Variants in PKM observed in about 807,000 individuals in gnomAD.
The protein encoded by PKM is pyruvate kinase PKM.
In PKM, 18 loss-of-function variants were observed where a neutral mutation model predicts 49.8. That is an observed-to-expected ratio of 0.36 (90% CI 0.25 to 0.54). The LOEUF (loss-of-function observed/expected upper bound fraction) is 0.54. Among genes scored for constraint, PKM ranks in the 20% least tolerant of loss-of-function variants. The pLI, the probability that PKM is intolerant of heterozygous loss-of-function variation, is 0.89. For missense variants in PKM, 508 were observed against 713.8 expected (o/e 0.71, Z 3.28); for synonymous variants, 239 against 261.8 (o/e 0.91, Z 0.84).
rs1390527997 is a variant in PKM at position 72,229,540 on chromosome 15, C to A, written c.-14+1576G>T. The stretch of plus-strand genomic sequence containing the variant: ...ACGTAGATTAAGAAGCCAAGGGATG[C>A]CCTTACATGACTGAGTCTTTAAATG... On this transcript the variant is annotated intron_variant, in intron 1 of 10. Transcript: ENST00000335181. The A allele has an allele frequency of 9.3e-6, 12 of 1,285,428 alleles. No individual in the cohort carries two copies. In the South Asian group the frequency reaches 1.2e-4, roughly 13 times the overall value. 79.6% of individuals were successfully genotyped at this position (1,285,428 alleles called of 1,614,324 possible). A position where few individuals can be genotyped will look rare whatever the true frequency, so the allele number is the denominator to read the frequency against.
chr15:72,223,057 T>C (rs1314873913), intron 1 of PKM, among the ~76,000 whole-genome samples: 1 of 150,412 alleles, frequency 6.6e-6, no homozygotes, highest in African/African-American at 2.5e-5. Context: ...TTTCACTCTG[T>C]CACCCAGGCT....
chr15:72,203,010 T>G, intron 8 of PKM: 4 of 1,613,364 alleles, frequency 2.5e-6, no homozygotes, highest in Non-Finnish European at 3.4e-6. Context: ...TTACCTGCCC[T>G]TAGGGCCCTA....
rs1428545993 is a variant in PKM at position 72,217,505 on chromosome 15, T to A, written c.155-5A>T. 1 of 1,575,444 alleles carries A rather than the reference T, an allele frequency of 6.3e-7. No homozygotes were observed. Among genetic ancestry groups the A allele is most frequent in the Non-Finnish European group, 8.7e-7 (1 of 1,144,820 alleles). On this transcript the variant is annotated splice_region_variant and splice_polypyrimidine_tract_variant and intron_variant, in intron 2 of 10. Coordinates refer to ENST00000335181, the MANE Select transcript of PKM (RefSeq NM_002654.6). ...CCACTGATCGGGAAGCTGGGCCTAT[T>A]AGGAAAAGTTTTAAAGCCACAAGTA...
At chr15:72,220,454 G>C (rs8192388) in intron 1 of PKM, among the ~76,000 whole-genome samples, 3,249 of 152,238 alleles carry the variant, frequency 0.021, 55 homozygotes, top group Non-Finnish European at 0.031. Context: ...GCCCGCTGAG[G>C]TCCAAGGAGC....
Position 72,210,340 on chromosome 15 carries a change from T to C in PKM, c.378+7A>G, listed in dbSNP as rs1596751511. The C allele has an allele frequency of 3.1e-6, 5 of 1,613,698 alleles. No homozygotes were observed. Among genetic ancestry groups the C allele is most frequent in the East Asian group, 2.2e-5 (1 of 44,894 alleles). ...AGCCTTCCCCTCGCTCTCCGCAGAA[T>C]ACTCACGCCCTTGATGAGCCCAGTT... On this transcript the variant is annotated splice_region_variant and intron_variant, in intron 4 of 10. Coordinates refer to ENST00000335181, the MANE Select transcript of PKM (RefSeq NM_002654.6).
intron 2 of PKM, 83 bp downstream of exon 2, chr15:72,218,861 T>G: frequency 7.1e-7 from 1 of 1,415,152 alleles, no homozygotes; most frequent in Non-Finnish European, 9.9e-7. Flanking sequence ...CTAGGTTTGT[T>G]AGGACATTTA....
chr15:72,205,026 T>A (rs1269542296), intron 8 of PKM, among the ~76,000 whole-genome samples: 1 of 151,934 alleles, frequency 6.6e-6, no homozygotes, highest in East Asian at 1.9e-4. Flanking sequence ...AGCAATCACA[T>A]CACACGAATG....
intron 1 of PKM, among the ~76,000 whole-genome samples, chr15:72,230,417 G>C (rs997033586): frequency 3.9e-5 from 6 of 152,362 alleles, no homozygotes; most frequent in East Asian, 1.9e-4. Context: ...ATGGAAAAGG[G>C]GGGTGGGACC....
At chr15:72,218,289 T>G (rs945328285) in intron 2 of PKM, among the ~76,000 whole-genome samples, 1 of 152,004 alleles carries the variant, frequency 6.6e-6, no homozygotes, top group African/African-American at 2.4e-5. Context: ...CACCCCCGGC[T>G]AATTTTTTTG....
At chr15:72,220,932 AG>A (rs2140763073) in intron 1 of PKM, among the ~76,000 whole-genome samples, 1 of 152,340 alleles carries the variant, frequency 6.6e-6, no homozygotes, top group African/African-American at 2.4e-5. Flanking sequence ...CTGGCTGTTA[AG>A]GGAACATTAC....
chr15:72,208,238 G>A (rs2082135895), intron 6 of PKM, among the ~76,000 whole-genome samples: 1 of 151,994 alleles, frequency 6.6e-6, no homozygotes, highest in Non-Finnish European at 1.5e-5. Context: ...CCTTTCTTAA[G>A]TGTCTGCTGT....
At chr15:72,204,734 T>G (rs1053909127) in intron 8 of PKM, among the ~76,000 whole-genome samples, 6 of 152,210 alleles carry the variant, frequency 3.9e-5, no homozygotes, top group Non-Finnish European at 8.8e-5. Flanking sequence ...AGATGAGGTC[T>G]TAAGAGGTTA....
In PKM at chr15:72,206,821, G is replaced by C; in HGVS notation, c.1047C>G (p.Ala349=). ...RPTRAEGSDV[A]NAVLDGADCI... is the part of the protein sequence containing the mutation. ...AGTCGGCTCCATCCAGGACTGCATT[G>C]GCCACATCACTGCCTTCAGCCCGAG... The change falls in exon 8 of 11, where the codon GCC becomes GCG. Residue 349 remains alanine (A), a synonymous_variant. Coordinates refer to ENST00000335181, the MANE Select transcript of PKM (RefSeq NM_002654.6). 1 of 1,614,114 alleles carries C rather than the reference G, an allele frequency of 6.2e-7. No individual in the cohort carries two copies. Among genetic ancestry groups the C allele is most frequent in the African/African-American group, 1.3e-5 (1 of 75,022 alleles).
intron 3 of PKM, among the ~76,000 whole-genome samples, chr15:72,216,473 A>G (rs1596772678): frequency 6.6e-6 from 1 of 152,136 alleles, no homozygotes; most frequent in Admixed American, 6.6e-5. Context: ...AAATTTTTAA[A>G]TTAGCCAGGT....
chr15:72,207,091 G>C, intron 7 of PKM, 36 bp downstream of exon 7: 15 of 1,611,004 alleles, frequency 9.3e-6, no homozygotes, highest in Non-Finnish European at 1.3e-5. Context: ...ACATGCGAGT[G>C]TGCACATGAG....
At chr15:72,222,030 C>CTTT (rs2082539865) in intron 1 of PKM, among the ~76,000 whole-genome samples, 1 of 151,906 alleles carries the variant, frequency 6.6e-6, no homozygotes, top group Admixed American at 6.6e-5. Flanking sequence ...ACAGTAAAAG[C>CTTT]TTTTGACAAT....
intron 8 of PKM, chr15:72,203,711 C>T (rs556839006): frequency 2.8e-4 from 47 of 169,660 alleles, no homozygotes; most frequent in African/African-American, 1.1e-3. Context: ...ACAGATTGAG[C>T]AGCGCTGGAA....
Position 72,202,862 on chromosome 15 carries a change from C to T in PKM, c.1141-242G>A, listed in dbSNP as rs540126331. 1.3e-6 allele frequency: 1 copy of T among 794,906 alleles called. No homozygotes were observed. Among genetic ancestry groups the T allele is most frequent in the Non-Finnish European group, 2.1e-6 (1 of 468,922 alleles). 49.2% of individuals were successfully genotyped at this position (794,906 alleles called of 1,614,324 possible). ...CTACTGTGCCTACTGAGCCACAGGA[C>T]CCTTTGGTCCTGCCCTGCCATGACC... On this transcript the variant is annotated intron_variant, in intron 8 of 10. Transcript: ENST00000335181. The surrounding 1 kb of genome is among the most constrained non-coding windows in gnomAD (Gnocchi z 4.5).
At chr15:72,215,015 A>G (rs1387633477) in intron 3 of PKM, among the ~76,000 whole-genome samples, 1 of 151,878 alleles carries the variant, frequency 6.6e-6, no homozygotes, top group Non-Finnish European at 1.5e-5. Context: ...CCTGGCCAAC[A>G]TGGCGAAACC....
Sources: allele counts gnomAD v4.1 joint callset (sites outside exome capture counted in the v4.1 genomes callset), GRCh38; gene constraint gnomAD v4.1.1; non-coding constraint Gnocchi (gnomAD v3.1); transcripts MANE v1.5; gene names NCBI Gene and HGNC (gene_info 2026-07-23, HGNC 2026-07-21).